The following CDC42BPA variants were observed in gnomAD, a reference collection of about 807,000 sequenced individuals.
CDC42BPA encodes serine/threonine-protein kinase MRCK alpha.
A neutral mutation model predicts 223.5 loss-of-function variants in CDC42BPA; 80 were observed. That is an observed-to-expected ratio of 0.36 (90% CI 0.30 to 0.43). The LOEUF (loss-of-function observed/expected upper bound fraction) is 0.43, where lower values mean the gene tolerates loss of function less well. Ranked by LOEUF, CDC42BPA falls within the 20% of genes least tolerant of loss-of-function variation. CDC42BPA has a pLI of 1.00. For synonymous variants in CDC42BPA, 694 were observed against 718.6 expected (o/e 0.97, Z 0.55); for missense variants, 1,743 against 2,099.9 (o/e 0.83, Z 3.32).
chr1:227,237,372 A>G (rs1433213058), intron 2 of CDC42BPA, among the ~76,000 whole-genome samples: 1 of 152,198 alleles, frequency 6.6e-6, no homozygotes, highest in Non-Finnish European at 1.5e-5. Flanking sequence ...CATTCCCTCG[A>G]CTACCTATTA....
chr1:227,015,972 C>T, intron 34 of CDC42BPA, 108 bp downstream of exon 34: 1 of 673,760 alleles, frequency 1.5e-6, no homozygotes. Context: ...AGAAACATTT[C>T]CTCATTACTT....
intron 21 of CDC42BPA, among the ~76,000 whole-genome samples, chr1:227,056,963 C>T (rs1377760198): frequency 2.0e-5 from 3 of 152,142 alleles, no homozygotes; most frequent in South Asian, 2.1e-4. Context: ...ACTAGTTATA[C>T]ATAATGCACC....
At chr1:227,307,204 G>A (rs1275973312) in intron 1 of CDC42BPA, among the ~76,000 whole-genome samples, 13 of 152,074 alleles carry the variant, frequency 8.5e-5, no homozygotes, top group Admixed American at 5.2e-4. Context: ...TCCTTTCTTT[G>A]TAAAGATATA....
At chr1:227,123,184 C>CAGCT (rs1688965523) in intron 11 of CDC42BPA, among the ~76,000 whole-genome samples, 2 of 152,222 alleles carry the variant, frequency 1.3e-5, no homozygotes, top group Admixed American at 1.3e-4. Context: ...CCTATAAACT[C>CAGCT]AGCTACTCGA....
chr1:227,272,381 G>A (rs190317040), intron 1 of CDC42BPA, among the ~76,000 whole-genome samples: 28 of 152,026 alleles, frequency 1.8e-4, no homozygotes, highest in African/African-American at 6.0e-4. Context: ...AACCCTAAAG[G>A]AAAAGATTTA....
chr1:227,033,361 A>T lies in CDC42BPA; in HGVS notation c.3531T>A (p.Ser1177Arg). Residue 1177 changes from serine to arginine, a missense_variant, in exon 27 of 37, where the codon AGT becomes AGA. Physicochemically the swap from Ser to Arg is moderately radical, Grantham distance 110. Around this residue, in one of 6 missense-constraint regions of CDC42BPA, gnomAD observed 678 missense variants for 777.5 expected, o/e 0.87. Coordinates refer to ENST00000366766, the MANE Select transcript of CDC42BPA (RefSeq NM_001394014.1). ...SVLASDVIHASRKDIPCIFRV... is the reference protein window; with the variant it reads ...SVLASDVIHARRKDIPCIFRV... ...TAAATATACAGGGTATATCTTTCCG[A>T]CTTGCATGGATAACATCAGAAGCCA... is the stretch of plus-strand genomic sequence containing the variant. 1 of 1,612,894 alleles carries T rather than the reference A, an allele frequency of 6.2e-7. No homozygotes were observed. Among genetic ancestry groups the T allele is most frequent in the South Asian group, 1.1e-5 (1 of 91,068 alleles).
At chr1:227,097,720 T>C (rs1251725666) in intron 15 of CDC42BPA, among the ~76,000 whole-genome samples, 3 of 152,178 alleles carry the variant, frequency 2.0e-5, no homozygotes, top group Admixed American at 2.0e-4. Context: ...TATGACCTTC[T>C]TCTAGGAGCA....
Position 227,318,478 on chromosome 1 carries a change from G to C in CDC42BPA, c.-1296C>G, listed in dbSNP as rs536851509. 6.6e-6 allele frequency: 1 copy of C among 152,442 alleles called. No individual in the cohort carries two copies. Among genetic ancestry groups the C allele is most frequent in the East Asian group, 1.9e-4 (1 of 5,132 alleles). 9.4% of individuals were successfully genotyped at this position (152,442 alleles called of 1,614,324 possible). ...CACAGAGGCGGAGGCTTGCGGACGA[G>C]TCTGGATCCAATATGGCGGCCTGGC... On this transcript the variant is annotated 5_prime_UTR_variant, in exon 1 of 37. Coordinates refer to ENST00000366766, the MANE Select transcript of CDC42BPA (RefSeq NM_001394014.1).
chr1:227,027,520 A>G (rs563666299), intron 30 of CDC42BPA, among the ~76,000 whole-genome samples: 2 of 152,096 alleles, frequency 1.3e-5, no homozygotes, highest in East Asian at 1.9e-4. Context: ...CAACTTTTCC[A>G]TGTAGTTCCC....
intron 1 of CDC42BPA, among the ~76,000 whole-genome samples, chr1:227,291,058 T>C (rs1433826036): frequency 1.3e-5 from 2 of 152,154 alleles, no homozygotes; most frequent in African/African-American, 4.8e-5. Flanking sequence ...AATAATCTTA[T>C]TGGCACCAAT....
intron 24 of CDC42BPA, among the ~76,000 whole-genome samples, chr1:227,037,235 C>G (rs1670450412): frequency 6.6e-6 from 1 of 152,228 alleles, no homozygotes; most frequent in Non-Finnish European, 1.5e-5. Flanking sequence ...TTCAGTCACA[C>G]CTTCCTAGTC....
At chr1:227,050,732 T>C (rs1020496546) in intron 22 of CDC42BPA, among the ~76,000 whole-genome samples, 44 of 152,280 alleles carry the variant, frequency 2.9e-4, no homozygotes, top group Middle Eastern at 3.4e-3. Context: ...AGCACTACTA[T>C]GTATCATTTG....
At chr1:227,040,870 T>G (rs553518460) in intron 23 of CDC42BPA, among the ~76,000 whole-genome samples, 2 of 152,326 alleles carry the variant, frequency 1.3e-5, no homozygotes, top group South Asian at 2.1e-4. Flanking sequence ...CTGATTTACA[T>G]GGTGGTAAGC....
intron 2 of CDC42BPA, chr1:227,234,225 T>G: frequency 6.6e-6 from 1 of 152,054 alleles, no homozygotes; most frequent in East Asian, 1.9e-4. Flanking sequence ...AATACCCCAA[T>G]TTCACACCCT....
At chr1:227,227,443 T>C (rs947806053) in intron 2 of CDC42BPA, among the ~76,000 whole-genome samples, 1 of 152,180 alleles carries the variant, frequency 6.6e-6, no homozygotes, top group Non-Finnish European at 1.5e-5. Context: ...GAGACTAACA[T>C]TCATATGAAA....
chr1:227,155,558 T>G (rs1374779594), intron 6 of CDC42BPA, among the ~76,000 whole-genome samples: 1 of 152,080 alleles, frequency 6.6e-6, no homozygotes, highest in Non-Finnish European at 1.5e-5. Flanking sequence ...CAGTCCAGAT[T>G]AGGAGAATGC....
At chr1:227,029,702 T>G (rs756895015) in intron 29 of CDC42BPA, among the ~76,000 whole-genome samples, 1 of 152,234 alleles carries the variant, frequency 6.6e-6, no homozygotes, top group Admixed American at 6.5e-5. Context: ...GGTTTCTCTT[T>G]ATTTCACCCA....
At chr1:227,201,146 T>C (rs1217363010) in intron 3 of CDC42BPA, among the ~76,000 whole-genome samples, 1 of 152,042 alleles carries the variant, frequency 6.6e-6, no homozygotes, top group Non-Finnish European at 1.5e-5. Flanking sequence ...AAAAAAATAA[T>C]TGTTTAACCT....
chr1:227,016,046 G>A (rs200569074), intron 34 of CDC42BPA, 34 bp downstream of exon 34: 54 of 1,089,762 alleles, frequency 5.0e-5, no homozygotes, highest in East Asian at 3.1e-4. Context: ...CCCCACACCC[G>A]CCCTTTTTTA....
Sources: gnomAD v4.1 joint callset for allele counts (sites outside exome capture counted in the v4.1 genomes callset) on GRCh38, gnomAD v4.1.1 for gene constraint, gnomAD v4.1.1 regional missense constraint, MANE v1.5 for transcripts, NCBI Gene and HGNC (gene_info 2026-07-23, HGNC 2026-07-21) for gene names.